ADAMTS14: variants seen among roughly 807,000 people sequenced by gnomAD.
ADAMTS14 encodes A disintegrin and metalloproteinase with thrombospondin motifs 14.
A neutral mutation model predicts 128.6 loss-of-function variants in ADAMTS14; 100 were observed. That is an observed-to-expected ratio of 0.78 (90% confidence interval 0.66 to 0.92). ADAMTS14 has a LOEUF of 0.92. ADAMTS14 is among the 40% of genes least tolerant of loss of function. The pLI is 0.00. For missense variants in ADAMTS14, 1,562 were observed against 1,658.6 expected, an observed-to-expected ratio of 0.94 and a Z score of 1.01; for synonymous variants, 665 against 653.8, an observed-to-expected ratio of 1.02 and a Z score of -0.26.
At chr10:70,699,884 G>C (rs573801102) in intron 2 of ADAMTS14, among the ~76,000 whole-genome samples, 10 of 152,108 alleles carry the variant, frequency 6.6e-5, no homozygotes, top group Admixed American at 1.3e-4. Context: ...GTGATGGACC[G>C]AGACGGTGCA....
chr10:70,756,740 A>G (rs1236910279), intron 19 of ADAMTS14, among the ~76,000 whole-genome samples: 1 of 152,206 alleles, frequency 6.6e-6, no homozygotes, highest in Non-Finnish European at 1.5e-5. Context: ...AGCAGCTGCT[A>G]GGTAAAACTG....
At chr10:70,718,246 C>A (rs1281324136) in intron 4 of ADAMTS14, among the ~76,000 whole-genome samples, 1 of 152,176 alleles carries the variant, frequency 6.6e-6, no homozygotes, top group Admixed American at 6.5e-5. Flanking sequence ...AGACAATCCT[C>A]TTCTTTCCTC....
At chr10:70,686,576 A>G in intron 2 of ADAMTS14, among the ~76,000 whole-genome samples, 1 of 42,114 alleles carries the variant, frequency 2.4e-5, no homozygotes, top group Middle Eastern at 6.2e-3. Context: ...GACACAGCAC[A>G]TGTTTCAGAG....
At chr10:70,719,851 G>A (rs1458722677) in intron 4 of ADAMTS14, among the ~76,000 whole-genome samples, 2 of 152,244 alleles carry the variant, frequency 1.3e-5, no homozygotes, top group African/African-American at 4.8e-5. Context: ...GATGAGCAGG[G>A]TCGAGCTCCA....
intron 12 of ADAMTS14, among the ~76,000 whole-genome samples, chr10:70,741,472 G>A (rs1193157412): frequency 3.3e-5 from 5 of 152,238 alleles, no homozygotes; most frequent in Non-Finnish European, 7.3e-5. Context: ...TGCCAAGGCC[G>A]GCAGCAGTGT....
chr10:70,730,290 G>T (rs377588157), intron 6 of ADAMTS14, 41 bp downstream of exon 6: 1 of 1,587,574 alleles, frequency 6.3e-7, no homozygotes, highest in Admixed American at 1.7e-5. Flanking sequence ...GGTGTGTGCA[G>T]CATGCACGGC....
At chr10:70,687,104 A>G (rs1460006198) in intron 2 of ADAMTS14, among the ~76,000 whole-genome samples, 1 of 89,106 alleles carries the variant, frequency 1.1e-5, no homozygotes, top group Non-Finnish European at 2.4e-5. Context: ...GGCCGGGCAG[A>G]GGGGCTCCTC....
At chr10:70,728,095 CAAA>C (rs548466130) in intron 4 of ADAMTS14, among the ~76,000 whole-genome samples, 4 of 119,638 alleles carry the variant, frequency 3.3e-5, no homozygotes, top group Admixed American at 8.6e-5. Context: ...GACTCCACCT[CAAA>C]AAAAAAAAAA....
Position 70,752,216 on chromosome 10 carries a change from C to G in ADAMTS14, c.2718C>G (p.Cys906Trp). Residue 906 changes from cysteine (C) to tryptophan (W), a missense_variant, in exon 18 of 22, where the codon TGC becomes TGG. Physicochemically the swap from Cys to Trp is radical, Grantham distance 215. Coordinates refer to ENST00000373207, the MANE Select transcript of ADAMTS14 (RefSeq NM_080722.4). ...GCCGGCGCTGCAACCAGCACCCGTG[C>G]TCTCAGCCTGTGTGAGTGCTCCCAG... ...PIRRRCNQHPCSQPVWVTEEW... is the reference protein window; with the variant it reads ...PIRRRCNQHPWSQPVWVTEEW... 1 of 1,613,652 alleles carries G rather than the reference C, an allele frequency of 6.2e-7. No homozygotes were observed. Among genetic ancestry groups the G allele is most frequent in the Non-Finnish European group, 8.5e-7 (1 of 1,179,886 alleles).
intron 2 of ADAMTS14, among the ~76,000 whole-genome samples, chr10:70,692,615 T>C (rs1840224110): frequency 1.3e-5 from 2 of 152,226 alleles, no homozygotes; most frequent in Admixed American, 1.3e-4. Context: ...AGGTGTGCCT[T>C]TTGAGATAAG....
In ADAMTS14 at chr10:70,743,581, C is replaced by T. The variant is rs751856578; in HGVS notation, c.1958C>T (p.Ala653Val). ...AAGTGTGAGCTGATCTGCCAGTCGG[C>T]GGACACGGGGGACGTGGTGTTCATG... ...AQKCELICQS[A>V]DTGDVVFMNQ... The change falls in exon 13 of 22, where the codon GCG (alanine) becomes GTG (valine). Residue 653 changes from alanine (A) to valine (V), a missense_variant. Ala to Val is a moderately conservative substitution (Grantham distance 64). Transcript: ENST00000373207. The T allele has an allele frequency of 1.4e-5, 22 of 1,612,408 alleles. No individual in the cohort carries two copies. Among genetic ancestry groups the T allele is most frequent in the South Asian group, 9.9e-5 (9 of 90,894 alleles).
chr10:70,752,096 G>A lies in ADAMTS14; in HGVS notation c.2598G>A (p.Gly866=), dbSNP rs940490414. The change falls in exon 18 of 22, where the codon GGG becomes GGA. Residue 866 remains glycine (G), a splice_region_variant and synonymous_variant. Coordinates refer to ENST00000373207, the MANE Select transcript of ADAMTS14 (RefSeq NM_080722.4). ...WAPCSKACGG[G]IQFTKYGCRR... is the part of the protein sequence containing the mutation. ...CACGGCAGCCTGCCCACCCCATAGG[G>A]ATCCAGTTCACCAAATACGGCTGCC... The A allele has an allele frequency of 1.2e-6, 2 of 1,612,640 alleles. No homozygotes were observed. Among genetic ancestry groups the A allele is most frequent in the South Asian group, 1.1e-5 (1 of 90,958 alleles).
At chr10:70,745,171 C>T (rs1264731147) in intron 14 of ADAMTS14, 55 bp from the exon 15 acceptor site, 4 of 1,555,466 alleles carry the variant, frequency 2.6e-6, no homozygotes, top group East Asian at 4.5e-5. Flanking sequence ...GGACGCTGGG[C>T]AGTGGGACCA....
At chr10:70,719,701 C>T (rs954702676) in intron 4 of ADAMTS14, among the ~76,000 whole-genome samples, 4 of 152,294 alleles carry the variant, frequency 2.6e-5, no homozygotes, top group East Asian at 1.9e-4. Flanking sequence ...AGCCATTGTG[C>T]CTGGCTGAAA....
chr10:70,713,127 T>C (rs1429199586), intron 4 of ADAMTS14, among the ~76,000 whole-genome samples: 1 of 152,190 alleles, frequency 6.6e-6, no homozygotes, highest in African/African-American at 2.4e-5. Flanking sequence ...CTTTCAGAGG[T>C]ACCCTGGGGG....
intron 9 of ADAMTS14, among the ~76,000 whole-genome samples, chr10:70,735,672 C>T (rs1841804317): frequency 6.6e-6 from 1 of 152,224 alleles, no homozygotes; most frequent in Non-Finnish European, 1.5e-5. Flanking sequence ...TTCAGTCTAA[C>T]TCCCCACCTT....
chr10:70,704,093 A>C (rs567985152), intron 3 of ADAMTS14, among the ~76,000 whole-genome samples: 67 of 152,316 alleles, frequency 4.4e-4, no homozygotes, highest in African/African-American at 1.6e-3. Flanking sequence ...GAGGTGCCTC[A>C]GAGGCCTGGC....
intron 4 of ADAMTS14, among the ~76,000 whole-genome samples, chr10:70,727,979 C>T (rs1382630907): frequency 6.6e-6 from 1 of 152,018 alleles, no homozygotes; most frequent in Non-Finnish European, 1.5e-5. Context: ...GCCTGTAGTC[C>T]CAGCTACTCA....
At chr10:70,673,972 C>T (rs567943514) in intron 1 of ADAMTS14, among the ~76,000 whole-genome samples, 48 of 152,318 alleles carry the variant, frequency 3.2e-4, no homozygotes, top group East Asian at 5.8e-4. Flanking sequence ...GAGATCTCAG[C>T]GGCCACTGTC....
Sources: allele counts gnomAD v4.1 joint callset (sites outside exome capture counted in the v4.1 genomes callset), GRCh38; gene constraint gnomAD v4.1.1; transcripts MANE v1.5; gene names NCBI Gene and HGNC (gene_info 2026-07-23, HGNC 2026-07-21).